ATG7: variants seen among roughly 807,000 people sequenced by gnomAD.
ATG7 encodes the protein autophagy related 7, also known as ubiquitin-like modifier-activating enzyme ATG7.
A neutral mutation model predicts 82.4 loss-of-function variants in ATG7; 70 were observed. That is an observed-to-expected ratio of 0.85 (90% CI 0.70 to 1.04). ATG7 has a LOEUF of 1.04. Among genes scored for constraint, ATG7 ranks in the 50% least tolerant of loss-of-function variants. The pLI, the probability that ATG7 is intolerant of heterozygous loss-of-function variation, is 0.00. For synonymous variants in ATG7, 287 were observed against 313.0 expected (o/e 0.92, Z 0.88); for missense variants, 792 against 864.3 (o/e 0.92, Z 1.05).
rs570032648 is a variant in ATG7 at position 11,550,788 on chromosome 3, C to T, written c.2080-4023C>T. 2.0e-5 allele frequency among the ~76,000 whole-genome samples: 3 copies of T among 152,086 alleles called. 1 individual carries two copies. The highest frequency in any genetic ancestry group is 7.2e-5 in the African/African-American group (3 of 41,498). On this transcript the variant is annotated intron_variant, in intron 20 of 20. Coordinates refer to ENST00000693202, the MANE Select transcript of ATG7 (RefSeq NM_001349232.2). ...CAGTTTGCCTTTTTGACTGTTTTCC[C>T]GTGCATATTGCATGCATGTGTTTTT...
At chr3:11,534,834 G>GT (rs1241832186) in intron 20 of ATG7, among the ~76,000 whole-genome samples, 2 of 152,240 alleles carry the variant, frequency 1.3e-5, no homozygotes, top group Non-Finnish European at 2.9e-5. Context: ...CCCTAGGGAG[G>GT]AGTAGCTCAG....
chr3:11,427,424 G>A (rs574239063), intron 20 of ATG7, among the ~76,000 whole-genome samples: 12 of 151,744 alleles, frequency 7.9e-5, no homozygotes, highest in African/African-American at 2.4e-4. Flanking sequence ...GACACAACCC[G>A]AGAGAGTTAT....
At chr3:11,568,394 T>A in the ATG7 span, among the ~76,000 whole-genome samples, 1 of 152,110 alleles carries the variant, frequency 6.6e-6, no homozygotes, top group Non-Finnish European at 1.5e-5. The surrounding 1 kb of genome is among the most constrained non-coding windows in gnomAD (Gnocchi z 5.9). Flanking sequence ...GCCCTGCACC[T>A]AAATCTGCCA....
rs565852336 is a variant in ATG7, at chr3:11,478,951, A to T, written c.2079+52025A>T. ...CTGTAGAGTACTACCTGAACACACA[A>T]GGAGAAATAAACTTTGAATATGTGC... On this transcript the variant is annotated intron_variant, in intron 20 of 20. Coordinates refer to ENST00000693202, the MANE Select transcript of ATG7 (RefSeq NM_001349232.2). Among the ~76,000 whole-genome samples the T allele has an allele frequency of 7.4e-4, 112 of 151,204 alleles. 1 individual carries two copies. The highest frequency in any genetic ancestry group is 3.3e-4 in the Admixed American group (5 of 15,114).
intron 20 of ATG7, among the ~76,000 whole-genome samples, chr3:11,546,015 G>C (rs966830789): frequency 1.3e-5 from 2 of 152,140 alleles, no homozygotes; most frequent in African/African-American, 2.4e-5. Context: ...GCATATGCCT[G>C]TAGTCCCAAC....
chr3:11,508,489 C>G (rs888616589), intron 20 of ATG7, among the ~76,000 whole-genome samples: 12 of 152,184 alleles, frequency 7.9e-5, no homozygotes, highest in Non-Finnish European at 1.6e-4. Context: ...GAGTCTTGCT[C>G]TGTGGCCCAG....
chr3:11,302,414 T>C (rs988532471), intron 5 of ATG7, among the ~76,000 whole-genome samples: 1 of 152,246 alleles, frequency 6.6e-6, no homozygotes, highest in African/African-American at 2.4e-5. Flanking sequence ...ACCCCATTTT[T>C]GTTTTGATTG....
In ATG7 at chr3:11,556,032, A is replaced by C. The variant is rs1017321383; in HGVS notation, c.*1189A>C. 2.0e-5 allele frequency: 3 copies of C among 152,818 alleles called. No individual in the cohort carries two copies. Among genetic ancestry groups the C allele is most frequent in the African/African-American group, 7.2e-5 (3 of 41,550 alleles). The allele number at this position is 152,818 out of a possible 1,614,324, so 9.5% of individuals were successfully genotyped here. A position where few individuals can be genotyped will look rare whatever the true frequency, so the allele number is the denominator to read the frequency against. Reference sequence around the variant, plus strand: ...ACAGGTGCAGGGCCCGAGTCCGCCCACCCAGCCTGGCGCTGAAACTGCACA... The same window carrying C: ...ACAGGTGCAGGGCCCGAGTCCGCCCCCCCAGCCTGGCGCTGAAACTGCACA... On this transcript the variant is annotated 3_prime_UTR_variant, in exon 21 of 21. Transcript: ENST00000693202.
chr3:11,460,200 A>G (rs1293110429), intron 20 of ATG7, among the ~76,000 whole-genome samples: 1 of 152,220 alleles, frequency 6.6e-6, no homozygotes, highest in Non-Finnish European at 1.5e-5. Flanking sequence ...GGCTTCTTGA[A>G]TGTTAAAGGA....
chr3:11,449,483 TTGAGAC>T lies in ATG7; in HGVS notation c.2079+22563_2079+22568del, dbSNP rs1267925803. On this transcript the variant is annotated intron_variant, in intron 20 of 20. Transcript: ENST00000693202. ...AATGAAAAGGAGAGAGAGATTGAGA[TTGAGAC>T]TGAGAGGGTGAGAGAGAGTATGATT... Among the ~76,000 whole-genome samples the T allele has an allele frequency of 2.6e-5, 4 of 152,066 alleles. 1 individual carries two copies. The highest frequency in any genetic ancestry group is 2.0e-4 in the Admixed American group (3 of 15,262).
chr3:11,325,391 G>T (rs1052138673), intron 9 of ATG7, among the ~76,000 whole-genome samples: 70 of 152,148 alleles, frequency 4.6e-4, no homozygotes, highest in African/African-American at 1.7e-3. Flanking sequence ...TATCCTATAG[G>T]CCAGGCGTGG....
chr3:11,407,181 A>G (rs1326871280), intron 19 of ATG7, among the ~76,000 whole-genome samples: 1 of 152,212 alleles, frequency 6.6e-6, no homozygotes, highest in Admixed American at 6.5e-5. Context: ...TGACCAAAAC[A>G]AAGGAGCTCA....
At chr3:11,307,108 G>A (rs1352933594) in intron 6 of ATG7, 48 bp downstream of exon 6, 1 of 1,546,228 alleles carries the variant, frequency 6.5e-7, no homozygotes, top group Admixed American at 1.7e-5. Context: ...TGTGGTCCTG[G>A]CAGGTGCAGT....
At chr3:11,428,011 T>G (rs549254275) in intron 20 of ATG7, among the ~76,000 whole-genome samples, 1 of 152,322 alleles carries the variant, frequency 6.6e-6, no homozygotes, top group Non-Finnish European at 1.5e-5. Flanking sequence ...GTAGCTTATG[T>G]TGTGTTTCCA....
the ATG7 span, among the ~76,000 whole-genome samples, chr3:11,566,706 C>T: frequency 6.6e-6 from 1 of 152,170 alleles, no homozygotes; most frequent in Admixed American, 6.5e-5. Context: ...GCGCTGCCAA[C>T]CACAGCTGCA....
chr3:11,433,138 T>G (rs1018856982), intron 20 of ATG7, among the ~76,000 whole-genome samples: 1 of 151,618 alleles, frequency 6.6e-6, no homozygotes, highest in Non-Finnish European at 1.5e-5. Flanking sequence ...TTTAAGAAAA[T>G]TAGAAATTAG....
At chr3:11,352,602 A>G (rs2075646479) in intron 14 of ATG7, among the ~76,000 whole-genome samples, 1 of 152,230 alleles carries the variant, frequency 6.6e-6, no homozygotes, top group Non-Finnish European at 1.5e-5. Flanking sequence ...TTCAACAGAT[A>G]CTTATTCATC....
At chr3:11,293,530 CAAAA>C (rs34054325) in intron 3 of ATG7, among the ~76,000 whole-genome samples, 1 of 57,286 alleles carries the variant, frequency 1.7e-5, no homozygotes, top group Non-Finnish European at 3.7e-5. Context: ...GACTCTGTCT[CAAAA>C]AAAAAAAAAA....
chr3:11,439,821 A>G (rs559216693), intron 20 of ATG7, among the ~76,000 whole-genome samples: 1 of 152,282 alleles, frequency 6.6e-6, no homozygotes, highest in East Asian at 1.9e-4. Context: ...GTACCAAGAG[A>G]GGTATAGCAA....
Sources: allele counts gnomAD v4.1 joint callset (sites outside exome capture counted in the v4.1 genomes callset), GRCh38; gene constraint gnomAD v4.1.1; non-coding constraint Gnocchi (gnomAD v3.1); transcripts MANE v1.5; gene names NCBI Gene and HGNC (gene_info 2026-07-23, HGNC 2026-07-21).